PGBD5: variants seen among roughly 807,000 people sequenced by gnomAD.
PGBD5 encodes piggyBac transposable element derived 5.
PGBD5 carries 14 observed loss-of-function variants against 47.9 expected under a neutral mutation model. That is an observed-to-expected ratio of 0.29 (90% CI 0.19 to 0.46). The LOEUF (loss-of-function observed/expected upper bound fraction) is 0.46, where lower values mean the gene tolerates loss of function less well. Ranked by LOEUF, PGBD5 falls within the 20% of genes least tolerant of loss-of-function variation. PGBD5 has a pLI of 1.00. For synonymous variants in PGBD5, 316 were observed against 306.3 expected (o/e 1.03, Z -0.33); for missense variants, 635 against 716.0 (o/e 0.89, Z 1.29).
intron 1 of PGBD5, among the ~76,000 whole-genome samples, chr1:230,375,656 T>TC (rs2102721639): frequency 1.3e-5 from 1 of 77,994 alleles, no homozygotes; most frequent in East Asian, 4.1e-4. Context: ...ATTTGACTTT[T>TC]TTTTTTTTTT....
intron 1 of PGBD5, among the ~76,000 whole-genome samples, chr1:230,358,745 G>A (rs1246715148): frequency 6.6e-6 from 1 of 152,156 alleles, no homozygotes; most frequent in Non-Finnish European, 1.5e-5. Flanking sequence ...CTATTGTACT[G>A]TATTCAGTAC....
rs560736292 is a variant in PGBD5 at position 230,419,729 on chromosome 1, T to G, written c.331+5869A>C. On this transcript the variant is annotated intron_variant, in intron 1 of 6. Coordinates refer to ENST00000391860, the MANE Select transcript of PGBD5 (RefSeq NM_001258311.2). Reference sequence around the variant, plus strand: ...ATAAAAAGGTACATTTCTGGAAGACTCTTTCACAACAGATATCAAAACCCT... The same window carrying G: ...ATAAAAAGGTACATTTCTGGAAGACGCTTTCACAACAGATATCAAAACCCT... Among the ~76,000 whole-genome samples, 9 of 152,316 alleles carry G rather than the reference T, an allele frequency of 5.9e-5. No homozygotes were observed. The East Asian group carries it at 1.7e-3, about 29-fold the overall frequency.
intron 1 of PGBD5, among the ~76,000 whole-genome samples, chr1:230,392,174 G>A (rs564360340): frequency 3.3e-5 from 5 of 152,228 alleles, no homozygotes; most frequent in Non-Finnish European, 7.3e-5. Flanking sequence ...ACCAGCTTCA[G>A]ATAACCTCAG....
At chr1:230,351,217 C>A in intron 2 of PGBD5, 125 bp from the exon 3 acceptor site, 1 of 1,047,856 alleles carries the variant, frequency 9.5e-7, no homozygotes. Context: ...AGTTACTTTA[C>A]CTCTCTGATC....
At chr1:230,365,794 G>T (rs1235271600) in intron 1 of PGBD5, among the ~76,000 whole-genome samples, 1 of 152,238 alleles carries the variant, frequency 6.6e-6, no homozygotes, top group African/African-American at 2.4e-5. Context: ...CCTCTATGTG[G>T]AGTAGCAGCA....
At chr1:230,376,409 A>G (rs1262976781) in intron 1 of PGBD5, among the ~76,000 whole-genome samples, 2 of 150,066 alleles carry the variant, frequency 1.3e-5, no homozygotes, top group Non-Finnish European at 3.0e-5. Context: ...ATCATCCAAC[A>G]CCACCTCAGA....
intron 3 of PGBD5, among the ~76,000 whole-genome samples, chr1:230,347,998 G>C (rs970335859): frequency 2.6e-5 from 4 of 152,206 alleles, no homozygotes. Context: ...TACCACAGCT[G>C]CCTACATCCT....
At chr1:230,362,202 G>A in intron 1 of PGBD5, 1 of 1,318,342 alleles carries the variant, frequency 7.6e-7, no homozygotes, top group African/African-American at 1.5e-5. Flanking sequence ...GGGTGGGGGA[G>A]GATCTGATGG....
In PGBD5 at chr1:230,337,309, G is replaced by A. The variant is rs1005651824; in HGVS notation, c.895-21C>T. 3 of 1,586,776 alleles carry A rather than the reference G, an allele frequency of 1.9e-6. No homozygotes were observed. The African/African-American group carries it at 4.0e-5, about 21-fold the overall frequency. On this transcript the variant is annotated intron_variant, in intron 3 of 6. Coordinates refer to ENST00000391860, the MANE Select transcript of PGBD5 (RefSeq NM_001258311.2). ...TAAATCTTTAACAGAAACACACAGA[G>A]GTTAGCGTGCTCACAGCAGTGTCAG...
chr1:230,377,850 G>A (rs1268782230), intron 1 of PGBD5, among the ~76,000 whole-genome samples: 2 of 152,256 alleles, frequency 1.3e-5, no homozygotes, highest in Non-Finnish European at 2.9e-5. Flanking sequence ...TTTTGGGCAT[G>A]TGCCTCCCAG....
chr1:230,399,059 G>GC (rs5781583), intron 1 of PGBD5, among the ~76,000 whole-genome samples: 3 of 62,532 alleles, frequency 4.8e-5, no homozygotes, highest in Non-Finnish European at 9.0e-5. Context: ...AGGTTACTAA[G>GC]GGGGGGTGGC....
intron 1 of PGBD5, among the ~76,000 whole-genome samples, chr1:230,389,961 G>A (rs1656745324): frequency 6.6e-6 from 1 of 152,166 alleles, no homozygotes; most frequent in Admixed American, 6.5e-5. Context: ...TTTTATAAAG[G>A]AGGAAACGGA....
In PGBD5 at chr1:230,314,559, T is replaced by C. The variant is rs1386647837; in HGVS notation, c.*8866A>G. 3.4e-5 allele frequency: 5 copies of C among 146,810 alleles called. No homozygotes were observed. The East Asian group carries it at 1.0e-3, about 30-fold the overall frequency. 9.1% of individuals were successfully genotyped at this position (146,810 alleles called of 1,614,324 possible). The stretch of plus-strand genomic sequence containing the variant: ...CTTGGTTGAAGAAATAAGAACCACA[T>C]GACAAAATGCTTGAATTAAATCTTT... On this transcript the variant is annotated 3_prime_UTR_variant, in exon 7 of 7. Coordinates refer to ENST00000391860, the MANE Select transcript of PGBD5 (RefSeq NM_001258311.2).
Position 230,357,302 on chromosome 1 carries a change from G to A in PGBD5, c.351C>T (p.Pro117=). ...EDTGGPTRKM[P]PSASAVDFFQ... is the part of the protein sequence containing the mutation. Reference sequence around the variant, plus strand: ...AGAAGTCCACGGCACTGGCGCTGGGGGGCATCTTTCGGGTGGGACCTGAAA... The same window carrying A: ...AGAAGTCCACGGCACTGGCGCTGGGAGGCATCTTTCGGGTGGGACCTGAAA... The change falls in exon 2 of 7, where the codon CCC becomes CCT. Residue 117 remains proline (P), a synonymous_variant. Transcript: ENST00000391860. The surrounding 1 kb of genome is among the most constrained non-coding windows in gnomAD (Gnocchi z 5.7). 1 of 1,613,506 alleles carries A rather than the reference G, an allele frequency of 6.2e-7. No homozygotes were observed. Among genetic ancestry groups the A allele is most frequent in the Non-Finnish European group, 8.5e-7 (1 of 1,179,594 alleles).
chr1:230,367,468 G>A (rs373398609), intron 1 of PGBD5, among the ~76,000 whole-genome samples: 11 of 152,170 alleles, frequency 7.2e-5, no homozygotes, highest in South Asian at 2.1e-4. Context: ...TTGAGAGTCC[G>A]AGGCTGGAGG....
intron 1 of PGBD5, among the ~76,000 whole-genome samples, chr1:230,418,609 A>C (rs1657577069): frequency 6.6e-6 from 1 of 152,128 alleles, no homozygotes; most frequent in Non-Finnish European, 1.5e-5. Context: ...CTCAGCCTTT[A>C]GTGTAGCTGG....
At chr1:230,367,804 C>T in intron 1 of PGBD5, 1 of 1,075,094 alleles carries the variant, frequency 9.3e-7, no homozygotes, top group South Asian at 1.5e-5. Flanking sequence ...CGTGGAGGCT[C>T]TTCATCATAT....
At chr1:230,411,067 A>G (rs1237284987) in intron 1 of PGBD5, among the ~76,000 whole-genome samples, 1 of 152,116 alleles carries the variant, frequency 6.6e-6, no homozygotes, top group Non-Finnish European at 1.5e-5. Context: ...GTTTGTGCCC[A>G]GGAGCTCAAG....
At chr1:230,377,758 A>T in intron 1 of PGBD5, 5 of 1,331,324 alleles carry the variant, frequency 3.8e-6, no homozygotes, top group South Asian at 1.7e-5. Flanking sequence ...TACTGTGCAT[A>T]AAGCACAGTG....
Sources: gnomAD v4.1 joint callset for allele counts (sites outside exome capture counted in the v4.1 genomes callset) on GRCh38, gnomAD v4.1.1 for gene constraint, Gnocchi (gnomAD v3.1) non-coding constraint, MANE v1.5 for transcripts, NCBI Gene and HGNC (gene_info 2026-07-23, HGNC 2026-07-21) for gene names.